Variants in DLGAP1 observed in about 807,000 individuals in gnomAD.
The protein encoded by DLGAP1 is DLG associated protein 1, also known as disks large-associated protein 1.
DLGAP1 carries 11 observed loss-of-function variants against 90.8 expected under a neutral mutation model. The observed-to-expected ratio is 0.12, with a 90% CI of 0.08 to 0.20. DLGAP1 has a LOEUF of 0.20. Among genes scored for constraint, DLGAP1 ranks in the 10% least tolerant of loss-of-function variants. DLGAP1 has a pLI of 1.00. For missense variants in DLGAP1, 1,050 were observed against 1,333.8 expected (o/e 0.79, Z 3.31); for synonymous variants, 558 against 540.7 (o/e 1.03, Z -0.44).
intron 10 of DLGAP1, among the ~76,000 whole-genome samples, chr18:3,510,143 C>T (rs2050459687): frequency 1.3e-5 from 2 of 152,162 alleles, no homozygotes; most frequent in Admixed American, 1.3e-4. Flanking sequence ...TCTTAACATC[C>T]CCAGAAAGGA....
At position 4,084,285 on chromosome 18, in the gene DLGAP1, A is replaced by T. The variant is rs2075652011; in HGVS notation, c.-159+66895T>A. Among the ~76,000 whole-genome samples, 1 of 152,146 alleles carries T rather than the reference A, an allele frequency of 6.6e-6. No individual in the cohort carries two copies. The highest frequency in any genetic ancestry group is 2.4e-5 in the African/African-American group (1 of 41,418). On this transcript the variant is annotated intron_variant, in intron 2 of 12. Transcript: ENST00000315677. This position sits in a 1 kb window ranked among gnomAD's most constrained non-coding sequence, Gnocchi z 4.0. ...CCTGTAGGTTTTTCTCTTTTAATTTAACTATACTAAGGATTTTCCTTATAG... is the reference window on the plus strand; with the variant it reads ...CCTGTAGGTTTTTCTCTTTTAATTTTACTATACTAAGGATTTTCCTTATAG...
At chr18:4,022,782 C>CTGT (rs1568356775) in intron 2 of DLGAP1, among the ~76,000 whole-genome samples, 1 of 146,840 alleles carries the variant, frequency 6.8e-6, no homozygotes. Flanking sequence ...CCAAATAGCT[C>CTGT]TGTTAGATTA....
intron 7 of DLGAP1, chr18:3,596,845 T>C (rs1168906852): frequency 1.9e-6 from 1 of 520,108 alleles, no homozygotes; most frequent in Admixed American, 1.9e-5. Flanking sequence ...CAGTGTCATG[T>C]CCTGTCACCA....
At chr18:3,560,075 A>T (rs187359072) in intron 9 of DLGAP1, among the ~76,000 whole-genome samples, 76 of 152,224 alleles carry the variant, frequency 5.0e-4, no homozygotes, top group Non-Finnish European at 1.0e-3. Context: ...ATATTTAAAT[A>T]CATTTTTGCT....
chr18:3,504,442 T>C (rs1381713638), intron 11 of DLGAP1, among the ~76,000 whole-genome samples: 1 of 152,162 alleles, frequency 6.6e-6, no homozygotes, highest in Non-Finnish European at 1.5e-5. Context: ...TGGAGTGCAA[T>C]GGTACAATCT....
chr18:3,636,602 G>A (rs2058724973), intron 7 of DLGAP1, among the ~76,000 whole-genome samples: 1 of 151,210 alleles, frequency 6.6e-6, no homozygotes, highest in Non-Finnish European at 1.5e-5. Flanking sequence ...TTTTAGTAGA[G>A]ATGGGATTAC....
At chr18:3,874,259 T>G (rs1480941173) in intron 4 of DLGAP1, 1 of 1,549,610 alleles carries the variant, frequency 6.5e-7, no homozygotes, top group Non-Finnish European at 8.7e-7. Context: ...TCTCTGGGAG[T>G]GCTTTCCTTC....
chr18:3,799,513 T>TTA (rs397858523), intron 5 of DLGAP1, among the ~76,000 whole-genome samples: 2 of 151,110 alleles, frequency 1.3e-5, no homozygotes, highest in African/African-American at 2.4e-5. Flanking sequence ...TTTTTTTTTT[T>TTA]AAATACAGGA....
intron 10 of DLGAP1, among the ~76,000 whole-genome samples, chr18:3,514,408 C>T (rs1326341041): frequency 2.0e-5 from 3 of 152,294 alleles, no homozygotes; most frequent in South Asian, 2.1e-4. Flanking sequence ...AGCCTGGATA[C>T]GACAGACACC....
chr18:3,877,177 T>C (rs1411421828), intron 4 of DLGAP1, among the ~76,000 whole-genome samples: 2 of 152,230 alleles, frequency 1.3e-5, no homozygotes, highest in Non-Finnish European at 2.9e-5. Context: ...TGGGAACACA[T>C]TTGCTATAGC....
At chr18:4,418,026 G>C (rs1015999965) in intron 1 of DLGAP1, among the ~76,000 whole-genome samples, 1 of 152,160 alleles carries the variant, frequency 6.6e-6, no homozygotes, top group African/African-American at 2.4e-5. Flanking sequence ...CAAGCATTGA[G>C]AGAAAACAAA....
intron 7 of DLGAP1, among the ~76,000 whole-genome samples, chr18:3,626,420 T>C (rs2058297355): frequency 6.6e-6 from 1 of 150,730 alleles, no homozygotes; most frequent in Non-Finnish European, 1.5e-5. Context: ...ATGGCAAAAC[T>C]CAGTCTCTAC....
At chr18:4,081,318 G>GAAAA (rs1283723769) in intron 2 of DLGAP1, among the ~76,000 whole-genome samples, 1 of 140,342 alleles carries the variant, frequency 7.1e-6, no homozygotes, top group Non-Finnish European at 1.6e-5. Context: ...TCCGTCTCAG[G>GAAAA]AAAAAAAAAA....
At chr18:3,673,531 G>A (rs1055430448) in intron 7 of DLGAP1, among the ~76,000 whole-genome samples, 5 of 152,182 alleles carry the variant, frequency 3.3e-5, no homozygotes, top group African/African-American at 1.2e-4. Context: ...AATTGCTGCT[G>A]TGAATGAGAG....
In DLGAP1 at chr18:3,600,741, T is replaced by G. The variant is rs1295706982; in HGVS notation, c.1592-18493A>C. 3.7e-3 allele frequency among the ~76,000 whole-genome samples: 182 copies of G among 48,960 alleles called. 28 individuals carry two copies. The highest frequency in any genetic ancestry group is 0.024 in the African/African-American group (154 of 6,530). 32.1% of individuals were successfully genotyped at this position (48,960 alleles called of 152,430 possible). ...ATATAGAGATATAGATATATATAGATATATAGATATATATAGATATATAGA... is the reference window on the plus strand; with the variant it reads ...ATATAGAGATATAGATATATATAGAGATATAGATATATATAGATATATAGA... On this transcript the variant is annotated intron_variant, in intron 7 of 12. Transcript: ENST00000315677.
intron 7 of DLGAP1, among the ~76,000 whole-genome samples, chr18:3,638,528 G>A (rs1206779355): frequency 6.6e-6 from 1 of 152,190 alleles, no homozygotes; most frequent in Non-Finnish European, 1.5e-5. Context: ...TGGGATTACA[G>A]GTGTGAGCCA....
chr18:3,583,391 CCTCT>C (rs1173009491), intron 7 of DLGAP1, among the ~76,000 whole-genome samples: 3 of 151,936 alleles, frequency 2.0e-5, no homozygotes, highest in Non-Finnish European at 4.4e-5. Flanking sequence ...CCTTCCTCCT[CCTCT>C]CTGTCTTCCT....
chr18:4,386,978 A>C (rs917229091), intron 1 of DLGAP1, among the ~76,000 whole-genome samples: 4 of 152,216 alleles, frequency 2.6e-5, no homozygotes, highest in Admixed American at 2.6e-4. Context: ...ATATTCTGAG[A>C]TAAGTAAGAG....
At chr18:4,185,153 T>G (rs1375351493) in intron 1 of DLGAP1, among the ~76,000 whole-genome samples, 3 of 152,142 alleles carry the variant, frequency 2.0e-5, no homozygotes, top group Non-Finnish European at 2.9e-5. Flanking sequence ...GAGTGAATGC[T>G]CCTTTTTTCT....
Sources: allele counts gnomAD v4.1 joint callset (sites outside exome capture counted in the v4.1 genomes callset), GRCh38; gene constraint gnomAD v4.1.1; non-coding constraint Gnocchi (gnomAD v3.1); transcripts MANE v1.5; gene names NCBI Gene and HGNC (gene_info 2026-07-23, HGNC 2026-07-21).